Variants in TMEM26 observed in about 807,000 individuals in gnomAD.
TMEM26 encodes transmembrane protein 26.
TMEM26 carries 38 observed loss-of-function variants against 28.8 expected under a neutral mutation model. The observed-to-expected ratio is 1.32, with a 90% CI of 1.02 to 1.73. TMEM26 has a LOEUF of 1.73. TMEM26 is among the 40% of genes most tolerant of loss of function. The probability of loss-of-function intolerance (pLI) is 0.00; values close to 1 mark genes in which losing one functional copy is unlikely to be tolerated. For synonymous variants in TMEM26, 227 were observed against 182.9 expected (o/e 1.24, Z -1.95); for missense variants, 518 against 447.1 (o/e 1.16, Z -1.43).
intron 2 of TMEM26, among the ~76,000 whole-genome samples, chr10:61,434,607 A>G (rs1839972988): frequency 6.6e-6 from 1 of 152,198 alleles, no homozygotes; most frequent in African/African-American, 2.4e-5. Flanking sequence ...TGATAACTTG[A>G]ACCAAAAATA....
chr10:61,411,378 TG>T (rs1839567220), intron 5 of TMEM26, among the ~76,000 whole-genome samples: 1 of 152,204 alleles, frequency 6.6e-6, no homozygotes, highest in South Asian at 2.1e-4. Context: ...GGATCACGAA[TG>T]ATTTGCTTGA....
At chr10:61,432,328 A>T (rs960198429) in intron 2 of TMEM26, among the ~76,000 whole-genome samples, 11 of 152,192 alleles carry the variant, frequency 7.2e-5, no homozygotes, top group Non-Finnish European at 1.6e-4. Context: ...AACAACAGAC[A>T]TGAAAAATGG....
chr10:61,423,790 G>T (rs1188668045), intron 4 of TMEM26, among the ~76,000 whole-genome samples: 1 of 152,068 alleles, frequency 6.6e-6, no homozygotes, highest in Non-Finnish European at 1.5e-5. Context: ...AGGAAGTCAA[G>T]GTTGGTTTAA....
At chr10:61,435,650 A>T (rs769360797) in intron 2 of TMEM26, among the ~76,000 whole-genome samples, 1 of 152,228 alleles carries the variant, frequency 6.6e-6, no homozygotes, top group Non-Finnish European at 1.5e-5. Flanking sequence ...AATCTCCTGT[A>T]ATCTGCATAA....
At chr10:61,418,544 T>A (rs886067672) in intron 4 of TMEM26, among the ~76,000 whole-genome samples, 1 of 152,074 alleles carries the variant, frequency 6.6e-6, no homozygotes, top group Non-Finnish European at 1.5e-5. Flanking sequence ...AAAAAAACCC[T>A]GTCTAAGTTG....
intron 1 of TMEM26, among the ~76,000 whole-genome samples, chr10:61,449,328 C>A (rs1840237309): frequency 6.6e-6 from 1 of 151,652 alleles, no homozygotes; most frequent in South Asian, 2.1e-4. Context: ...GTTGGCTCAC[C>A]CTCTCTATTC....
rs1451977198 is a variant in TMEM26, at chr10:61,409,509, A to C, written c.*813T>G. 1 of 152,242 alleles carries C rather than the reference A, an allele frequency of 6.6e-6. No individual in the cohort carries two copies. The highest frequency in any genetic ancestry group is 1.5e-5 in the Non-Finnish European group (1 of 68,070). 9.4% of individuals were successfully genotyped at this position (152,242 alleles called of 1,614,324 possible). ...TTCCCTGCATCAGCCCACATGATTC[A>C]ACTTGGCAATATAGAAAATGGTAAA... On this transcript the variant is annotated 3_prime_UTR_variant, in exon 6 of 6. Transcript: ENST00000399298.
chr10:61,411,858 T>C (rs1029003900), intron 5 of TMEM26, among the ~76,000 whole-genome samples: 6 of 152,240 alleles, frequency 3.9e-5, no homozygotes, highest in Non-Finnish European at 8.8e-5. Context: ...GAAGCTGCTT[T>C]GATATGGATA....
chr10:61,448,127 A>G (rs1420360712), intron 1 of TMEM26, among the ~76,000 whole-genome samples: 1 of 152,242 alleles, frequency 6.6e-6, no homozygotes, highest in Non-Finnish European at 1.5e-5. Context: ...CCTTCTCCAG[A>G]GAAAACTACT....
intron 4 of TMEM26, among the ~76,000 whole-genome samples, chr10:61,425,738 A>T (rs1327879366): frequency 1.3e-5 from 2 of 152,186 alleles, no homozygotes; most frequent in Non-Finnish European, 2.9e-5. Flanking sequence ...TCCTGGTGAG[A>T]TACCACTCTA....
intron 1 of TMEM26, among the ~76,000 whole-genome samples, chr10:61,445,725 A>G (rs1840170135): frequency 6.6e-6 from 1 of 152,166 alleles, no homozygotes; most frequent in Admixed American, 6.5e-5. Context: ...AAAACATTTT[A>G]TATACCAAAG....
At position 61,442,609 on chromosome 10, in the gene TMEM26, C is replaced by T. The variant is rs575850253; in HGVS notation, c.192-6361G>A. On this transcript the variant is annotated intron_variant, in intron 1 of 5. Coordinates refer to ENST00000399298, the MANE Select transcript of TMEM26 (RefSeq NM_178505.8). ...AGTGAAGTTGTAAGAATACTAGACC[C>T]AAGTTTCAAAATCTCATGTTAAGTG... Among the ~76,000 whole-genome samples, 4 of 152,256 alleles carry T rather than the reference C, an allele frequency of 2.6e-5. No homozygotes were observed. In the South Asian group the frequency reaches 8.3e-4, roughly 32 times the overall value.
intron 4 of TMEM26, among the ~76,000 whole-genome samples, chr10:61,420,549 T>C (rs113083278): frequency 1.1e-3 from 165 of 152,312 alleles, no homozygotes; most frequent in African/African-American, 3.8e-3. Flanking sequence ...TGTATATATA[T>C]GTAAAATGGT....
intron 4 of TMEM26, among the ~76,000 whole-genome samples, chr10:61,419,032 A>G (rs1839700075): frequency 6.6e-6 from 1 of 152,190 alleles, no homozygotes; most frequent in Non-Finnish European, 1.5e-5. Context: ...ACATAGCCAT[A>G]GGTGTGACCA....
Position 61,417,925 on chromosome 10 carries a change from C to T in TMEM26, c.606-4390G>A, listed in dbSNP as rs538387823. 7.9e-5 allele frequency among the ~76,000 whole-genome samples: 12 copies of T among 152,060 alleles called. 1 individual carries two copies. In the East Asian group the frequency reaches 1.7e-3, roughly 22 times the overall value. ...AATTGTCAAAAATTGTCAAAAACAA[C>T]GATCAGGGCTCTGAAAATCAACCAA... On this transcript the variant is annotated intron_variant, in intron 4 of 5. Coordinates refer to ENST00000399298, the MANE Select transcript of TMEM26 (RefSeq NM_178505.8).
intron 1 of TMEM26, among the ~76,000 whole-genome samples, chr10:61,450,520 A>G (rs1840259095): frequency 6.6e-6 from 1 of 152,208 alleles, no homozygotes; most frequent in Non-Finnish European, 1.5e-5. Flanking sequence ...AAAAATGAGC[A>G]TATGTCTATA....
intron 1 of TMEM26, among the ~76,000 whole-genome samples, chr10:61,436,878 G>T (rs940591317): frequency 6.6e-6 from 1 of 152,104 alleles, no homozygotes; most frequent in Non-Finnish European, 1.5e-5. Context: ...ATTCAGAAAG[G>T]AATCCGAAGA....
At chr10:61,414,901 C>T (rs1254642755) in intron 4 of TMEM26, 1 of 826,204 alleles carries the variant, frequency 1.2e-6, no homozygotes, top group Non-Finnish European at 1.5e-6. Context: ...CCCATAGTGT[C>T]CTCATTAACA....
chr10:61,453,153 A>T lies in TMEM26; in HGVS notation c.-72T>A. ...ACCCTGCCGGGCGTGCCCGGAGCCC[A>T]CCGGTGAGCAGGAATATGACAAGCA... On this transcript the variant is annotated 5_prime_UTR_variant, in exon 1 of 6. Coordinates refer to ENST00000399298, the MANE Select transcript of TMEM26 (RefSeq NM_178505.8). 1 of 1,502,132 alleles carries T rather than the reference A, an allele frequency of 6.7e-7. No individual in the cohort carries two copies. The highest frequency in any genetic ancestry group is 9.1e-7 in the Non-Finnish European group (1 of 1,102,040). The allele number at this position is 1,502,132 out of a possible 1,614,324, so 93.1% of individuals were successfully genotyped here. A position where few individuals can be genotyped will look rare whatever the true frequency, so the allele number is the denominator to read the frequency against.
Sources: gnomAD v4.1 joint callset for allele counts (sites outside exome capture counted in the v4.1 genomes callset) on GRCh38, gnomAD v4.1.1 for gene constraint, MANE v1.5 for transcripts, NCBI Gene and HGNC (gene_info 2026-07-23, HGNC 2026-07-21) for gene names.